ALG13: variants seen among roughly 807,000 people sequenced by gnomAD.
ALG13 encodes UDP-N-acetylglucosamine transferase subunit ALG13.
ALG13 carries 11 observed loss-of-function variants against 87.8 expected under a neutral mutation model. The observed-to-expected ratio is 0.13, with a 90% CI of 0.08 to 0.21. The LOEUF (loss-of-function observed/expected upper bound fraction) is 0.21, where lower values mean the gene tolerates loss of function less well. Ranked by LOEUF, ALG13 falls within the 10% of genes least tolerant of loss-of-function variation. The probability of loss-of-function intolerance (pLI) is 1.00; values close to 1 mark genes in which losing one functional copy is unlikely to be tolerated. For synonymous variants in ALG13, 320 were observed against 306.3 expected (o/e 1.04, Z -0.47); for missense variants, 756 against 866.1 (o/e 0.87, Z 1.60).
At chrX:111,753,394 G>C (rs1944930971) in intron 25 of ALG13, among the ~76,000 whole-genome samples, 1 of 111,623 alleles carries the variant, frequency 9.0e-6, no homozygotes, top group Admixed American at 9.5e-5. Flanking sequence ...AAAAGAACTA[G>C]AGAAGCAAAA....
intron 3 of ALG13, among the ~76,000 whole-genome samples, chrX:111,699,098 C>T (rs759374456): frequency 8.9e-6 from 1 of 112,146 alleles, no homozygotes; most frequent in Non-Finnish European, 1.9e-5. Flanking sequence ...TTGCATTTCT[C>T]TAATGATTAG....
chrX:111,733,534 G>T (rs539807593), intron 21 of ALG13, among the ~76,000 whole-genome samples: 2 of 111,794 alleles, frequency 1.8e-5, no homozygotes, highest in African/African-American at 6.5e-5. Flanking sequence ...TCCACTTGAT[G>T]ATTAATTGAT....
intron 3 of ALG13, among the ~76,000 whole-genome samples, chrX:111,701,319 A>T (rs1164106779): frequency 8.9e-6 from 1 of 112,001 alleles, no homozygotes. Context: ...AGAATTCAGC[A>T]GTGAAGCCAT....
At chrX:111,733,574 G>A (rs891597441) in intron 21 of ALG13, among the ~76,000 whole-genome samples, 20 of 111,559 alleles carry the variant, frequency 1.8e-4, no homozygotes, top group Non-Finnish European at 3.6e-4. Flanking sequence ...ATATTCTTGC[G>A]ATTGCAAACT....
chrX:111,697,467 C>T (rs540260352), intron 3 of ALG13, among the ~76,000 whole-genome samples: 14 of 111,810 alleles, frequency 1.3e-4, no homozygotes, highest in African/African-American at 4.5e-4. Flanking sequence ...CCCAGACCTG[C>T]CTCAGAATCC....
intron 15 of ALG13, among the ~76,000 whole-genome samples, chrX:111,726,009 T>C (rs1427106861): frequency 8.9e-6 from 1 of 112,136 alleles, no homozygotes; most frequent in Non-Finnish European, 1.9e-5. Context: ...AGTGGCGCTA[T>C]CTCGGCTCAC....
intron 10 of ALG13, among the ~76,000 whole-genome samples, chrX:111,719,489 A>C (rs1941132887): frequency 8.9e-6 from 1 of 112,437 alleles, no homozygotes; most frequent in Non-Finnish European, 1.9e-5. Context: ...GCTGTGTAGC[A>C]ATGTTACTAC....
At chrX:111,724,893 T>C (rs1941806957) in intron 14 of ALG13, 41 bp from the exon 15 acceptor site, 14 of 1,190,830 alleles carry the variant, frequency 1.2e-5, no homozygotes, top group Non-Finnish European at 1.6e-5. Flanking sequence ...AAGTTAAGTC[T>C]GTGTTGCAGT....
At chrX:111,707,162 G>A (rs1938918604) in intron 3 of ALG13, among the ~76,000 whole-genome samples, 1 of 111,806 alleles carries the variant, frequency 8.9e-6, no homozygotes, top group South Asian at 3.7e-4. Flanking sequence ...AGAATCCAGA[G>A]TAATGTGTCT....
At chrX:111,681,453 C>T (rs1933129612) in intron 1 of ALG13, 154 bp downstream of exon 1, 2 of 1,098,333 alleles carry the variant, frequency 1.8e-6, no homozygotes, top group Admixed American at 3.4e-5. Context: ...TGGCTTCTGC[C>T]CACGCCCGGC....
intron 3 of ALG13, chrX:111,686,284 T>C: frequency 5.5e-6 from 2 of 364,665 alleles, no homozygotes; most frequent in Non-Finnish European, 8.3e-6. Flanking sequence ...TTATTTACAT[T>C]ATAGTAAAAT....
Position 111,727,651 on chromosome X carries a change from A to C in ALG13, c.2128A>C (p.Asn710His). 8.3e-7 allele frequency: 1 copy of C among 1,210,177 alleles called. No homozygotes were observed. The highest frequency in any genetic ancestry group is 1.1e-6 in the Non-Finnish European group (1 of 894,698). The stretch of plus-strand genomic sequence containing the variant: ...TAGTCACCGCCAGATGAGTTGTGTG[A>C]ATAAGGAGTCCCAGTATGGATTTAC... Reference protein sequence around the residue: ...RRSHRQMSCVNKESQYGFTPG... With the variant: ...RRSHRQMSCVHKESQYGFTPG... Residue 710 changes from asparagine (N) to histidine (H), a missense_variant, in exon 18 of 27, where the codon AAT (asparagine) becomes CAT (histidine). By Grantham distance (68) the Asn-to-His change is moderately conservative (BLOSUM62 1). Coordinates refer to ENST00000394780, the MANE Select transcript of ALG13 (RefSeq NM_001099922.3).
intron 5 of ALG13, among the ~76,000 whole-genome samples, chrX:111,709,716 T>C (rs1939402438): frequency 1.8e-5 from 2 of 110,267 alleles, no homozygotes; most frequent in Non-Finnish European, 3.8e-5. Flanking sequence ...TTCTGGCCCT[T>C]GCAGTGCTAT....
intron 24 of ALG13, among the ~76,000 whole-genome samples, chrX:111,749,516 G>A (rs1303036704): frequency 9.3e-6 from 1 of 107,851 alleles, no homozygotes; most frequent in Non-Finnish European, 1.9e-5. Flanking sequence ...AAAAAAAAAC[G>A]TCTGGAAATT....
At position 111,728,188 on chromosome X, in the gene ALG13, C is replaced by T. The variant is rs1942274567; in HGVS notation, c.2251C>T (p.His751Tyr). The T allele has an allele frequency of 8.3e-7, 1 of 1,209,222 alleles. No homozygotes were observed. The highest frequency in any genetic ancestry group is 1.8e-5 in the African/African-American group (1 of 57,101). ...DETAYPTLPNHGGPSTMVPAT... is the reference protein window; with the variant it reads ...DETAYPTLPNYGGPSTMVPAT... Reference sequence around the variant, plus strand: ...TGTGTGTGTCTCTCTGATACAGAATCATGGAGGTCCCTCTACAATGGTTCC... The same window carrying T: ...TGTGTGTGTCTCTCTGATACAGAATTATGGAGGTCCCTCTACAATGGTTCC... The change falls in exon 19 of 27, where the codon CAT becomes TAT. Residue 751 changes from histidine (H) to tyrosine (Y), a missense_variant. Physicochemically the swap from His to Tyr is moderately conservative, Grantham distance 83. Coordinates refer to ENST00000394780, the MANE Select transcript of ALG13 (RefSeq NM_001099922.3).
At chrX:111,740,175 T>C (rs1943621066) in intron 23 of ALG13, among the ~76,000 whole-genome samples, 1 of 111,024 alleles carries the variant, frequency 9.0e-6, no homozygotes, top group African/African-American at 3.3e-5. Context: ...ATTGAGAGAA[T>C]ATGGGCAAAG....
In ALG13 at chrX:111,726,789, C is replaced by T. The variant is rs1942098220; in HGVS notation, c.1730-20C>T. The stretch of plus-strand genomic sequence containing the variant: ...CTTTGATTATGAAGCTTATTTGCTA[C>T]CTCTTTGTTTGCCTGAAAGTTATAT... On this transcript the variant is annotated intron_variant, in intron 15 of 26. Coordinates refer to ENST00000394780, the MANE Select transcript of ALG13 (RefSeq NM_001099922.3). 2 of 1,207,843 alleles carry T rather than the reference C, an allele frequency of 1.7e-6. No homozygotes were observed. Among genetic ancestry groups the T allele is most frequent in the Admixed American group, 2.2e-5 (1 of 45,654 alleles).
rs778396216 is a variant in ALG13 at position 111,730,526 on chromosome X, G to C, written c.2403G>C (p.Glu801Asp). The part of the protein sequence containing the change: ...RYHEEYLYRA[E>D]PDYETSGVYS... The stretch of plus-strand genomic sequence containing the variant: ...TTTTACTTTGGCTATATTCTCTAGA[G>C]CCAGACTATGAAACTTCAGGTGTTT... Residue 801 changes from glutamate to aspartate, a missense_variant and splice_region_variant, in exon 21 of 27, where the codon GAG (glutamate) becomes GAC (aspartate). Around this residue, in one of 9 missense-constraint regions of ALG13, gnomAD observed 362 missense variants for 383.5 expected, o/e 0.94. Coordinates refer to ENST00000394780, the MANE Select transcript of ALG13 (RefSeq NM_001099922.3). The C allele has an allele frequency of 3.9e-5, 46 of 1,192,624 alleles. No homozygotes were observed. The highest frequency in any genetic ancestry group is 2.5e-4 in the Middle Eastern group (1 of 3,984).
intron 21 of ALG13, chrX:111,734,248 C>A (rs1456749276): frequency 1.8e-5 from 2 of 112,566 alleles, no homozygotes; most frequent in Non-Finnish European, 3.8e-5. Context: ...TCTAAGAAAT[C>A]ATGAACATTT....
Sources: allele counts gnomAD v4.1 joint callset (sites outside exome capture counted in the v4.1 genomes callset), GRCh38; gene constraint gnomAD v4.1.1; regional missense constraint gnomAD v4.1.1; transcripts MANE v1.5; gene names NCBI Gene and HGNC (gene_info 2026-07-23, HGNC 2026-07-21).